CCDC91: variants seen among roughly 807,000 people sequenced by gnomAD.
CCDC91 encodes coiled-coil domain-containing protein 91.
Under a neutral mutation model 63.2 loss-of-function variants are expected in CCDC91, and 48 were observed. The observed-to-expected ratio is 0.76, with a 90% CI of 0.60 to 0.97. CCDC91 has a LOEUF of 0.97. CCDC91 is among the 50% of genes least tolerant of loss of function. The pLI is 0.00. For synonymous variants in CCDC91, 167 were observed against 165.8 expected (o/e 1.01, Z -0.06); for missense variants, 500 against 494.6 (o/e 1.01, Z -0.10).
intron 7 of CCDC91, among the ~76,000 whole-genome samples, chr12:28,363,876 G>GAAAAAAAAAAA (rs34997286): frequency 3.8e-5 from 2 of 52,556 alleles, no homozygotes; most frequent in Non-Finnish European, 6.4e-5. Context: ...GGCTCCATCT[G>GAAAAAAAAAAA]AAAAAAAAAA....
chr12:28,285,324 C>A (rs1032339979), intron 3 of CCDC91, among the ~76,000 whole-genome samples: 1 of 152,090 alleles, frequency 6.6e-6, no homozygotes, highest in Non-Finnish European at 1.5e-5. Flanking sequence ...TCACTAATCT[C>A]ATTTTATCAC....
chr12:28,233,788 T>C (rs1418925799), intron 1 of CCDC91, among the ~76,000 whole-genome samples: 2 of 152,104 alleles, frequency 1.3e-5, no homozygotes, highest in Non-Finnish European at 2.9e-5. Context: ...TTTCGTATTG[T>C]TAGATAAGGT....
chr12:28,477,057 G>T (rs1463906727), intron 11 of CCDC91, among the ~76,000 whole-genome samples: 3 of 152,114 alleles, frequency 2.0e-5, no homozygotes, highest in East Asian at 1.9e-4. Flanking sequence ...AGGAGGAGCT[G>T]GTACCATTCC....
At chr12:28,338,883 C>T (rs548599117) in intron 6 of CCDC91, among the ~76,000 whole-genome samples, 1 of 152,152 alleles carries the variant, frequency 6.6e-6, no homozygotes, top group African/African-American at 2.4e-5. Context: ...CTCTGTCGCC[C>T]AAGCTGGAGT....
intron 8 of CCDC91, among the ~76,000 whole-genome samples, chr12:28,407,913 A>G (rs1316573445): frequency 1.3e-5 from 2 of 151,052 alleles, no homozygotes; most frequent in African/African-American, 4.8e-5. Context: ...CTAGGACATA[A>G]GGACACAATT....
chr12:28,413,575 T>C (rs143285209), intron 8 of CCDC91, among the ~76,000 whole-genome samples: 1 of 152,330 alleles, frequency 6.6e-6, no homozygotes, highest in East Asian at 1.9e-4. Context: ...TCATTTATTT[T>C]TGAATTTATT....
chr12:28,405,954 A>G (rs1161739579), intron 8 of CCDC91, among the ~76,000 whole-genome samples: 1 of 151,642 alleles, frequency 6.6e-6, no homozygotes, highest in Non-Finnish European at 1.5e-5. Context: ...TGTAAAAAAA[A>G]TCTGCAAAAT....
rs567346375 is a variant in CCDC91, at chr12:28,288,572, G to A, written c.110-17077G>A. Among the ~76,000 whole-genome samples, 200 of 152,190 alleles carry A rather than the reference G, an allele frequency of 1.3e-3. 1 individual carries two copies. The highest frequency in any genetic ancestry group is 4.7e-3 in the African/African-American group (194 of 41,534). On this transcript the variant is annotated intron_variant, in intron 3 of 12. Coordinates refer to ENST00000536442, the MANE Select transcript of CCDC91 (RefSeq NM_018318.5). ...GCCTCCTTGATTGTAGGTTTTTGATGTGCTGCTGGATTTGGTTTGCCACAA... is the reference window on the plus strand; with the variant it reads ...GCCTCCTTGATTGTAGGTTTTTGATATGCTGCTGGATTTGGTTTGCCACAA...
At chr12:28,317,980 C>T (rs74387934) in intron 6 of CCDC91, among the ~76,000 whole-genome samples, 4,476 of 151,904 alleles carry the variant, frequency 0.029, 103 homozygotes, top group Middle Eastern at 0.044. Context: ...CATTCACTAT[C>T]TTTATTCTCT....
intron 12 of CCDC91, among the ~76,000 whole-genome samples, chr12:28,547,015 T>A (rs1380618352): frequency 1.3e-5 from 2 of 152,066 alleles, no homozygotes; most frequent in Non-Finnish European, 2.9e-5. Context: ...AGCAATTTTT[T>A]AAAATGAGAT....
chr12:28,264,382 T>C (rs1271605854), intron 3 of CCDC91, among the ~76,000 whole-genome samples: 1 of 148,740 alleles, frequency 6.7e-6, no homozygotes, highest in Non-Finnish European at 1.5e-5. Flanking sequence ...TTTTTTTGGC[T>C]AAGAAATCTC....
chr12:28,541,942 T>G (rs1454579114), intron 12 of CCDC91, among the ~76,000 whole-genome samples: 1 of 152,168 alleles, frequency 6.6e-6, no homozygotes, highest in Non-Finnish European at 1.5e-5. Flanking sequence ...ATAGGATTTC[T>G]GTGCAGCTAC....
intron 6 of CCDC91, among the ~76,000 whole-genome samples, chr12:28,327,480 G>A (rs1280744829): frequency 6.6e-6 from 1 of 152,046 alleles, no homozygotes; most frequent in African/African-American, 2.4e-5. Context: ...CATCTTCCTT[G>A]CACTATGTAA....
chr12:28,346,160 T>G (rs1398382406), intron 6 of CCDC91, among the ~76,000 whole-genome samples: 1 of 152,196 alleles, frequency 6.6e-6, no homozygotes, highest in Non-Finnish European at 1.5e-5. Flanking sequence ...GAATCTCAAG[T>G]GTCCTGGCGC....
At chr12:28,328,100 G>C (rs1224427580) in intron 6 of CCDC91, among the ~76,000 whole-genome samples, 2 of 152,090 alleles carry the variant, frequency 1.3e-5, no homozygotes, top group Non-Finnish European at 2.9e-5. Flanking sequence ...CAGTTTATTT[G>C]ATGTTTGTAT....
chr12:28,482,597 G>A (rs1951506707), intron 11 of CCDC91, among the ~76,000 whole-genome samples: 2 of 151,932 alleles, frequency 1.3e-5, no homozygotes, highest in African/African-American at 4.8e-5. Flanking sequence ...AGAGTACAGG[G>A]TAAAATGAGA....
chr12:28,257,692 A>G (rs1458311673), intron 2 of CCDC91, among the ~76,000 whole-genome samples: 1 of 152,126 alleles, frequency 6.6e-6, no homozygotes, highest in African/African-American at 2.4e-5. Context: ...GTTAATTAGT[A>G]TGTTTGTATT....
chr12:28,358,656 T>C lies in CCDC91; in HGVS notation c.577-3782T>C, dbSNP rs1943672566. ...CCAATATAGTGGGGGCACACAGGAA[T>C]GAACAATAAATGTAATACATAGTGA... On this transcript the variant is annotated intron_variant, in intron 6 of 12. Transcript: ENST00000536442. Among the ~76,000 whole-genome samples the C allele has an allele frequency of 2.0e-5, 3 of 152,176 alleles. No individual in the cohort carries two copies. The South Asian group carries it at 6.2e-4, about 32-fold the overall frequency.
intron 6 of CCDC91, among the ~76,000 whole-genome samples, chr12:28,308,000 T>C (rs1270366135): frequency 6.6e-6 from 1 of 152,068 alleles, no homozygotes; most frequent in African/African-American, 2.4e-5. Flanking sequence ...TTCTGATGGA[T>C]ACATTTTGGG....
Sources: gnomAD v4.1 joint callset for allele counts (sites outside exome capture counted in the v4.1 genomes callset) on GRCh38, gnomAD v4.1.1 for gene constraint, MANE v1.5 for transcripts, NCBI Gene and HGNC (gene_info 2026-07-23, HGNC 2026-07-21) for gene names.